NF1: variants seen among roughly 807,000 people sequenced by gnomAD.
The protein encoded by NF1 is neurofibromin 1.
NF1 carries 122 observed loss-of-function variants against 325.7 expected under a neutral mutation model. The ratio of observed to expected loss-of-function variants is 0.37; its 90% CI spans 0.32 to 0.44. NF1 has a LOEUF of 0.44. Among genes scored for constraint, NF1 ranks in the 20% least tolerant of loss-of-function variants. NF1 has a pLI of 1.00. For missense variants in NF1, 2,140 were observed against 3,415.4 expected (o/e 0.63, Z 9.31); for synonymous variants, 1,091 against 1,186.0 (o/e 0.92, Z 1.65).
chr17:31,131,144 C>G (rs1054700703), intron 1 of NF1, among the ~76,000 whole-genome samples: 1 of 152,188 alleles, frequency 6.6e-6, no homozygotes, highest in Non-Finnish European at 1.5e-5. Context: ...GGGAGCAAGT[C>G]GAGCCTTGGG....
At chr17:31,343,547 A>T (rs1458556090) in intron 48 of NF1, among the ~76,000 whole-genome samples, 1 of 152,214 alleles carries the variant, frequency 6.6e-6, no homozygotes, top group Non-Finnish European at 1.5e-5. Context: ...TTTGTCTCAA[A>T]AAATAAATAA....
At chr17:31,356,338 G>A in intron 51 of NF1, 122 bp from the exon 52 acceptor site, 1 of 975,422 alleles carries the variant, frequency 1.0e-6, no homozygotes. Flanking sequence ...ATGTATTAGA[G>A]CTTTCTTTGA....
At chr17:31,103,175 T>A (rs924108228) in intron 1 of NF1, among the ~76,000 whole-genome samples, 1 of 151,832 alleles carries the variant, frequency 6.6e-6, no homozygotes, top group Non-Finnish European at 1.5e-5. Context: ...TGTTCCTGTT[T>A]TTTGCCCTAC....
At chr17:31,315,530 C>T (rs2068998550) in intron 36 of NF1, among the ~76,000 whole-genome samples, 1 of 152,114 alleles carries the variant, frequency 6.6e-6, no homozygotes, top group Non-Finnish European at 1.5e-5. Flanking sequence ...ATATATACAC[C>T]TACTATGTAC....
At chr17:31,275,907 A>G (rs908123257) in intron 36 of NF1, among the ~76,000 whole-genome samples, 2 of 152,134 alleles carry the variant, frequency 1.3e-5, no homozygotes, top group Non-Finnish European at 2.9e-5. Flanking sequence ...TATAAAGAAT[A>G]GGACACAGGG....
intron 36 of NF1, among the ~76,000 whole-genome samples, chr17:31,283,013 C>T (rs1481039073): frequency 1.3e-5 from 2 of 152,214 alleles, no homozygotes; most frequent in Non-Finnish European, 2.9e-5. Flanking sequence ...CAATGACCAT[C>T]TTGGAGTATA....
At chr17:31,198,817 C>G (rs189158712) in intron 8 of NF1, among the ~76,000 whole-genome samples, 25 of 152,094 alleles carry the variant, frequency 1.6e-4, no homozygotes, top group African/African-American at 6.0e-4. Flanking sequence ...GGGGGTTTTA[C>G]CATGTTGATC....
rs150378004 is a variant in NF1 at position 31,101,287 on chromosome 17, T to C, written c.60+5918T>C. Among the ~76,000 whole-genome samples the C allele has an allele frequency of 1.8e-3, 271 of 152,250 alleles. 8 individuals are homozygous for C. In the East Asian group the frequency reaches 0.036, roughly 20 times the overall value. The stretch of plus-strand genomic sequence containing the variant: ...CTTCCAGTTCCCAAGACACAATACT[T>C]TTCTACTGAATTGGAGTTCCTTAGC... On this transcript the variant is annotated intron_variant, in intron 1 of 57. Coordinates refer to ENST00000358273, the MANE Select transcript of NF1 (RefSeq NM_001042492.3).
chr17:31,239,164 A>G (rs902590974), intron 29 of NF1, among the ~76,000 whole-genome samples: 1 of 152,218 alleles, frequency 6.6e-6, no homozygotes, highest in African/African-American at 2.4e-5. Context: ...AATAACTAAT[A>G]TGCTAAGGGC....
chr17:31,347,011 CCTTT>C (rs1173764155), intron 48 of NF1, among the ~76,000 whole-genome samples: 4 of 150,756 alleles, frequency 2.7e-5, no homozygotes, highest in Admixed American at 6.6e-5. Context: ...TGACACTGTT[CCTTT>C]CTTTTATTGT....
chr17:31,351,581 T>G (rs1479016096), intron 50 of NF1, among the ~76,000 whole-genome samples: 1 of 152,176 alleles, frequency 6.6e-6, no homozygotes, highest in African/African-American at 2.4e-5. Context: ...CATGCCCAGC[T>G]AATTTTTGTA....
chr17:31,097,132 A>G (rs1199434281), intron 1 of NF1, among the ~76,000 whole-genome samples: 1 of 152,076 alleles, frequency 6.6e-6, no homozygotes, highest in Non-Finnish European at 1.5e-5. Context: ...CTCTAGGCTT[A>G]TTTGCCATAT....
chr17:31,180,987 C>G (rs1335061317), intron 5 of NF1, among the ~76,000 whole-genome samples: 1 of 152,078 alleles, frequency 6.6e-6, no homozygotes, highest in African/African-American at 2.4e-5. Flanking sequence ...GAGTGAACTC[C>G]CATTCACAAC....
At position 31,358,578 on chromosome 17, in the gene NF1, A is replaced by G; in HGVS notation, c.8069A>G (p.Tyr2690Cys). ...PIHGIVQSVV[Y>C]HEESPPQYQT... ...CATGGAATTGTGCAGAGTGTGGTGT[A>G]CCATGAAGAATCCCCACCACAATAC... Residue 2690 changes from tyrosine to cysteine, a missense_variant, in exon 55 of 58, where the codon TAC (tyrosine) becomes TGC (cysteine). Physicochemically the swap from Tyr to Cys is radical, Grantham distance 194 (BLOSUM62 -2). This residue lies in a region of NF1 where 522 missense variants were observed against 749.0 expected (regional missense o/e 0.70). Coordinates refer to ENST00000358273, the MANE Select transcript of NF1 (RefSeq NM_001042492.3). 1 of 1,613,980 alleles carries G rather than the reference A, an allele frequency of 6.2e-7. No homozygotes were observed. The highest frequency in any genetic ancestry group is 8.5e-7 in the Non-Finnish European group (1 of 1,179,894).
chr17:31,295,563 G>A, intron 36 of NF1: 1 of 1,614,000 alleles, frequency 6.2e-7, no homozygotes, highest in Non-Finnish European at 8.5e-7. Context: ...GATGATATTT[G>A]GGTAGAACAT....
At chr17:31,209,439 C>T (rs1468288221) in intron 12 of NF1, among the ~76,000 whole-genome samples, 1 of 152,188 alleles carries the variant, frequency 6.6e-6, no homozygotes, top group African/African-American at 2.4e-5. Flanking sequence ...AAAATTTTCT[C>T]TTCGACCAAG....
In NF1 at chr17:31,305,020, T is replaced by C. The variant is rs779876815; in HGVS notation, c.4836-20800T>C. 3 of 1,614,200 alleles carry C rather than the reference T, an allele frequency of 1.9e-6. No homozygotes were observed. The Admixed American group carries it at 5.0e-5, about 27-fold the overall frequency. ...GGCAGCTATTGAATTATAATTGTTTTTTTGTGGGGTTTGTTTGTTACTGGT... is the reference window on the plus strand; with the variant it reads ...GGCAGCTATTGAATTATAATTGTTTCTTTGTGGGGTTTGTTTGTTACTGGT... On this transcript the variant is annotated intron_variant, in intron 36 of 57. Transcript: ENST00000358273.
chr17:31,358,632 T>C lies in NF1; in HGVS notation c.8113+10T>C, dbSNP rs1336997870. On this transcript the variant is annotated intron_variant, in intron 55 of 57. Coordinates refer to ENST00000358273, the MANE Select transcript of NF1 (RefSeq NM_001042492.3). Reference sequence around the variant, plus strand: ...ACATCTTACCTGCAAAGTAAATAAATGTATCTGGAGAAGGATGGTTGATGA... The same window carrying C: ...ACATCTTACCTGCAAAGTAAATAAACGTATCTGGAGAAGGATGGTTGATGA... 1.2e-6 allele frequency: 2 copies of C among 1,613,966 alleles called. No homozygotes were observed. The highest frequency in any genetic ancestry group is 1.1e-5 in the South Asian group (1 of 91,082).
chr17:31,285,277 TAAA>T (rs36047376), intron 36 of NF1, among the ~76,000 whole-genome samples: 3 of 120,884 alleles, frequency 2.5e-5, no homozygotes, highest in Admixed American at 8.6e-5. Flanking sequence ...AGATTCTGTT[TAAA>T]AAAAAAAAAA....
Sources: gnomAD v4.1 joint callset for allele counts (sites outside exome capture counted in the v4.1 genomes callset) on GRCh38, gnomAD v4.1.1 for gene constraint, gnomAD v4.1.1 regional missense constraint, MANE v1.5 for transcripts, NCBI Gene and HGNC (gene_info 2026-07-23, HGNC 2026-07-21) for gene names.